The following SORCS2 variants were observed in gnomAD, a reference collection of about 807,000 sequenced individuals.
SORCS2 encodes the protein sortilin related VPS10 domain containing receptor 2, also known as VPS10 domain-containing receptor SorCS2.
In SORCS2, 100 loss-of-function variants were observed where a neutral mutation model predicts 141.6. The ratio of observed to expected loss-of-function variants is 0.71; its 90% CI spans 0.60 to 0.83. SORCS2 has a LOEUF of 0.83. Among genes scored for constraint, SORCS2 ranks in the 40% least tolerant of loss-of-function variants. The pLI is 0.00. For missense variants in SORCS2, 1,646 were observed against 1,560.2 expected, an observed-to-expected ratio of 1.05 and a Z score of -0.93; for synonymous variants, 789 against 676.9, an observed-to-expected ratio of 1.17 and a Z score of -2.57.
intron 2 of SORCS2, among the ~76,000 whole-genome samples, chr4:7,396,614 C>G (rs1461784225): frequency 6.6e-6 from 1 of 152,166 alleles, no homozygotes; most frequent in African/African-American, 2.4e-5. Flanking sequence ...CTGTTTTTCT[C>G]CCCGCTTCCT....
At chr4:7,399,442 G>C (rs887227952) in intron 2 of SORCS2, among the ~76,000 whole-genome samples, 2 of 152,164 alleles carry the variant, frequency 1.3e-5, no homozygotes, top group African/African-American at 2.4e-5. Flanking sequence ...AAAGTGGCTC[G>C]AAGCTGAATG....
chr4:7,416,407 A>T (rs1725672370), intron 2 of SORCS2, among the ~76,000 whole-genome samples: 1 of 152,120 alleles, frequency 6.6e-6, no homozygotes, highest in African/African-American at 2.4e-5. Context: ...GGAGGGGCTG[A>T]GTCTGGGGCA....
chr4:7,543,452 C>T lies in SORCS2; in HGVS notation c.648+11823C>T, dbSNP rs867036875. On this transcript the variant is annotated intron_variant, in intron 3 of 26. Transcript: ENST00000507866. ...CCGTCCATCCATCCACTCATCCATC[C>T]ATCCATCCATCCACCCACCCATCCA... Among the ~76,000 whole-genome samples the T allele has an allele frequency of 2.3e-4, 30 of 130,896 alleles. 1 individual carries two copies. The highest frequency in any genetic ancestry group is 4.0e-3 in the Middle Eastern group (1 of 250). 85.9% of individuals were successfully genotyped at this position (130,896 alleles called of 152,430 possible).
rs141757016 is a variant in SORCS2 at position 7,516,622 on chromosome 4, T to C, written c.549-14908T>C. 1.8e-3 allele frequency among the ~76,000 whole-genome samples: 277 copies of C among 152,272 alleles called. 2 individuals carry two copies. The highest frequency in any genetic ancestry group is 6.3e-3 in the African/African-American group (263 of 41,562). ...TTGGTGGAATGCCCTGGCCTTTTTA[T>C]GCAGGACAGGCGTCGGGGCTGCACG... On this transcript the variant is annotated intron_variant, in intron 2 of 26. Transcript: ENST00000507866.
At chr4:7,519,218 C>T (rs1297700914) in intron 2 of SORCS2, among the ~76,000 whole-genome samples, 4 of 152,150 alleles carry the variant, frequency 2.6e-5, no homozygotes, top group Admixed American at 2.6e-4. Flanking sequence ...CTTCCAGGAG[C>T]TCGGCCTCGT....
intron 8 of SORCS2, among the ~76,000 whole-genome samples, chr4:7,668,552 C>T (rs927226686): frequency 2.0e-5 from 3 of 152,150 alleles, no homozygotes; most frequent in African/African-American, 7.2e-5. Context: ...CACATGGGAG[C>T]TTCTGCACTG....
rs1311206899 is a variant in SORCS2 at position 7,740,748 on chromosome 4, G to A, written c.*484G>A. 3.1e-5 allele frequency: 10 copies of A among 320,342 alleles called. No homozygotes were observed. The highest frequency in any genetic ancestry group is 1.5e-4 in the East Asian group (3 of 20,456). 19.8% of individuals were successfully genotyped at this position (320,342 alleles called of 1,614,324 possible). A position where few individuals can be genotyped will look rare whatever the true frequency, so the allele number is the denominator to read the frequency against. ...CCACCCAGTCCCTCTGTGGGAGCCC[G>A]GGTGCCAGGCCCTCCCAACACCACA... On this transcript the variant is annotated 3_prime_UTR_variant, in exon 27 of 27. Transcript: ENST00000507866.
At chr4:7,455,674 G>T (rs1328059669) in intron 2 of SORCS2, among the ~76,000 whole-genome samples, 11 of 150,540 alleles carry the variant, frequency 7.3e-5, no homozygotes, top group Non-Finnish European at 1.6e-4. Context: ...GTCAGGCTCC[G>T]TGTTGGGGTC....
intron 1 of SORCS2, among the ~76,000 whole-genome samples, chr4:7,287,973 A>C (rs1716338642): frequency 6.6e-6 from 1 of 152,184 alleles, no homozygotes; most frequent in African/African-American, 2.4e-5. Context: ...AGCTTCACCC[A>C]GCCCCTGTGG....
intron 1 of SORCS2, among the ~76,000 whole-genome samples, chr4:7,332,158 T>C (rs1014669386): frequency 6.6e-6 from 1 of 152,198 alleles, no homozygotes; most frequent in Non-Finnish European, 1.5e-5. Context: ...CATCCTTATC[T>C]TTGCTCCTTC....
chr4:7,329,356 G>T (rs1029526571), intron 1 of SORCS2, among the ~76,000 whole-genome samples: 6 of 152,208 alleles, frequency 3.9e-5, no homozygotes, highest in Non-Finnish European at 5.9e-5. Flanking sequence ...CAGAGCAAAC[G>T]TCGTAAAAGA....
chr4:7,659,316 C>G (rs762559063), intron 5 of SORCS2, among the ~76,000 whole-genome samples: 7 of 152,236 alleles, frequency 4.6e-5, no homozygotes, highest in Middle Eastern at 3.4e-3. Context: ...TACTCCCCTC[C>G]TGGGAGCCAG....
chr4:7,481,537 T>A (rs1274539293), intron 2 of SORCS2, among the ~76,000 whole-genome samples: 1 of 151,404 alleles, frequency 6.6e-6, no homozygotes, highest in Non-Finnish European at 1.5e-5. Flanking sequence ...TTTGGAGAGG[T>A]CGGGGGAGCC....
intron 3 of SORCS2, among the ~76,000 whole-genome samples, chr4:7,621,852 TGGCCTCTGG>T: frequency 6.6e-6 from 1 of 152,232 alleles, no homozygotes; most frequent in Non-Finnish European, 1.5e-5. Context: ...GGCAGCAGCC[TGGCCTCTGG>T]GGCGGTGTCC....
intron 1 of SORCS2, among the ~76,000 whole-genome samples, chr4:7,392,130 G>A (rs1028302054): frequency 2.6e-5 from 4 of 152,220 alleles, no homozygotes; most frequent in African/African-American, 9.6e-5. Context: ...ACCTGGCCCT[G>A]GTCCTGGCTA....
intron 1 of SORCS2, among the ~76,000 whole-genome samples, chr4:7,370,488 A>G (rs1167560379): frequency 6.6e-6 from 1 of 152,388 alleles, no homozygotes; most frequent in South Asian, 2.1e-4. Context: ...AAAGCTGAGT[A>G]GAGAATTAAC....
chr4:7,441,511 G>A (rs1205601538), intron 2 of SORCS2, among the ~76,000 whole-genome samples: 3 of 151,982 alleles, frequency 2.0e-5, no homozygotes, highest in Non-Finnish European at 4.4e-5. Flanking sequence ...GGAGGCGCAG[G>A]CCGGCAGGAG....
chr4:7,389,738 C>T (rs1321321575), intron 1 of SORCS2, among the ~76,000 whole-genome samples: 1 of 152,082 alleles, frequency 6.6e-6, no homozygotes, highest in African/African-American at 2.4e-5. Flanking sequence ...AAGGGGAGAG[C>T]ATAGCGATCC....
intron 3 of SORCS2, among the ~76,000 whole-genome samples, chr4:7,625,412 C>CACA (rs1719453691): frequency 6.6e-6 from 1 of 152,036 alleles, no homozygotes; most frequent in African/African-American, 2.4e-5. Flanking sequence ...ACATCTCCCA[C>CACA]ATGTAGCATT....
Sources: allele counts gnomAD v4.1 joint callset (sites outside exome capture counted in the v4.1 genomes callset), GRCh38; gene constraint gnomAD v4.1.1; transcripts MANE v1.5; gene names NCBI Gene and HGNC (gene_info 2026-07-23, HGNC 2026-07-21).